The following MARCHF1 variants were observed in gnomAD, a reference collection of about 807,000 sequenced individuals.
MARCHF1 encodes E3 ubiquitin-protein ligase MARCHF1.
Under a neutral mutation model 54.2 loss-of-function variants are expected in MARCHF1, and 40 were observed. The ratio of observed to expected loss-of-function variants is 0.74; its 90% CI spans 0.57 to 0.96. The LOEUF (loss-of-function observed/expected upper bound fraction) is 0.96, where lower values mean the gene tolerates loss of function less well. Among genes scored for constraint, MARCHF1 ranks in the 40% least tolerant of loss-of-function variants. The pLI is 0.00. For missense variants in MARCHF1, 586 were observed against 656.5 expected (o/e 0.89, Z 1.17); for synonymous variants, 236 against 236.3 (o/e 1.00, Z 0.01).
At chr4:164,330,632 T>A (rs1735411417) in intron 1 of MARCHF1, among the ~76,000 whole-genome samples, 1 of 152,188 alleles carries the variant, frequency 6.6e-6, no homozygotes, top group African/African-American at 2.4e-5. Flanking sequence ...CTAAAGCTGC[T>A]GCAAGAACAT....
At chr4:163,686,210 TAATAA>T (rs1213610400) in intron 5 of MARCHF1, among the ~76,000 whole-genome samples, 1 of 42,324 alleles carries the variant, frequency 2.4e-5, no homozygotes, top group Non-Finnish European at 6.0e-5. Flanking sequence ...TTTGTTGTGT[TAATAA>T]AATAATTTTC....
At chr4:163,886,020 TA>T (rs11347045) in intron 3 of MARCHF1, among the ~76,000 whole-genome samples, 6,702 of 142,870 alleles carry the variant, frequency 0.047, 274 homozygotes, top group East Asian at 0.18. Flanking sequence ...CATACCTAGC[TA>T]AAAAAAAAAA....
At chr4:163,989,286 TGA>T (rs35987221) in intron 2 of MARCHF1, among the ~76,000 whole-genome samples, 86,400 of 144,606 alleles carry the variant, frequency 0.6, 25,552 homozygotes, top group Middle Eastern at 0.73. Context: ...AATGAGGTGT[TGA>T]GAGAGAGAGA....
At chr4:163,724,709 G>A (rs962703784) in intron 4 of MARCHF1, among the ~76,000 whole-genome samples, 1 of 152,162 alleles carries the variant, frequency 6.6e-6, no homozygotes, top group Non-Finnish European at 1.5e-5. Flanking sequence ...CAGCCATGGT[G>A]GGCGCCCCTC....
intron 3 of MARCHF1, among the ~76,000 whole-genome samples, chr4:163,924,278 A>G (rs1327544003): frequency 6.6e-6 from 1 of 152,070 alleles, no homozygotes; most frequent in Non-Finnish European, 1.5e-5. Flanking sequence ...AATACATTTG[A>G]GCTAAGTTGT....
chr4:164,073,760 G>A (rs1370363183), intron 2 of MARCHF1, among the ~76,000 whole-genome samples: 2 of 151,990 alleles, frequency 1.3e-5, no homozygotes, highest in Non-Finnish European at 1.5e-5. Context: ...GTAATATGAT[G>A]AATACCCTAT....
At chr4:163,820,470 A>T (rs1008903021) in intron 4 of MARCHF1, among the ~76,000 whole-genome samples, 22 of 152,124 alleles carry the variant, frequency 1.4e-4, no homozygotes, top group African/African-American at 5.1e-4. Flanking sequence ...AAAATCATTC[A>T]TGCTCACAGA....
chr4:163,672,522 T>C (rs1743773181), intron 5 of MARCHF1, among the ~76,000 whole-genome samples: 1 of 152,226 alleles, frequency 6.6e-6, no homozygotes, highest in Non-Finnish European at 1.5e-5. Flanking sequence ...TAAAATAGTA[T>C]AGCTGCCTTA....
At chr4:164,332,558 A>C (rs1189075756) in intron 1 of MARCHF1, among the ~76,000 whole-genome samples, 1 of 152,176 alleles carries the variant, frequency 6.6e-6, no homozygotes, top group Non-Finnish European at 1.5e-5. Flanking sequence ...TAGGGGCAAC[A>C]TTCGTGAGAC....
At chr4:164,230,063 G>A (rs1370145310) in intron 1 of MARCHF1, among the ~76,000 whole-genome samples, 1 of 152,044 alleles carries the variant, frequency 6.6e-6, no homozygotes, top group Non-Finnish European at 1.5e-5. Flanking sequence ...ACAGGTGTGT[G>A]CCACTGCTCC....
intron 7 of MARCHF1, among the ~76,000 whole-genome samples, chr4:163,589,418 C>T (rs755678194): frequency 6.6e-6 from 1 of 151,982 alleles, no homozygotes; most frequent in Non-Finnish European, 1.5e-5. Flanking sequence ...TTTTTCATTC[C>T]CATTTCACAT....
At chr4:163,733,227 GTATA>G (rs1241873225) in intron 4 of MARCHF1, among the ~76,000 whole-genome samples, 1 of 13,828 alleles carries the variant, frequency 7.2e-5, no homozygotes, top group Non-Finnish European at 1.9e-4. Flanking sequence ...ATATACACGT[GTATA>G]TATATATATA....
intron 5 of MARCHF1, among the ~76,000 whole-genome samples, chr4:163,677,690 C>T (rs1287821607): frequency 1.3e-5 from 2 of 152,150 alleles, no homozygotes; most frequent in African/African-American, 4.8e-5. Flanking sequence ...TATATCTCTA[C>T]TCATCTTTGT....
chr4:164,137,092 A>C (rs1000956455), intron 1 of MARCHF1, among the ~76,000 whole-genome samples: 1 of 152,216 alleles, frequency 6.6e-6, no homozygotes, highest in Admixed American at 6.5e-5. Context: ...CAGTATTTTG[A>C]AATTTGAACA....
intron 2 of MARCHF1, among the ~76,000 whole-genome samples, chr4:164,044,538 G>C (rs934627338): frequency 1.3e-5 from 2 of 151,900 alleles, no homozygotes; most frequent in African/African-American, 4.8e-5. Flanking sequence ...ATGAGATTTG[G>C]GTGTGTACAC....
intron 2 of MARCHF1, among the ~76,000 whole-genome samples, chr4:164,036,363 C>G (rs1754002377): frequency 6.6e-6 from 1 of 152,006 alleles, no homozygotes; most frequent in Non-Finnish European, 1.5e-5. Flanking sequence ...CTGAAGCAAG[C>G]TGCTAGGAGT....
At chr4:164,141,828 C>T (rs921106102) in intron 1 of MARCHF1, among the ~76,000 whole-genome samples, 3 of 152,098 alleles carry the variant, frequency 2.0e-5, no homozygotes, top group East Asian at 1.9e-4. Context: ...CCAAGATGGC[C>T]GAATAGGAAC....
chr4:164,234,918 T>C (rs1732505443), intron 1 of MARCHF1: 1 of 152,116 alleles, frequency 6.6e-6, no homozygotes, highest in South Asian at 2.1e-4. Flanking sequence ...TGTTGAGGCC[T>C]GATGAAAAGA....
At chr4:163,756,304 G>A (rs573984476) in intron 4 of MARCHF1, among the ~76,000 whole-genome samples, 118 of 152,180 alleles carry the variant, frequency 7.8e-4, no homozygotes, top group African/African-American at 2.6e-3. Flanking sequence ...AGTATAGAGA[G>A]ATCATGGGTA....
Sources: gnomAD v4.1 joint callset for allele counts (sites outside exome capture counted in the v4.1 genomes callset) on GRCh38, gnomAD v4.1.1 for gene constraint, MANE v1.5 for transcripts, NCBI Gene and HGNC (gene_info 2026-07-23, HGNC 2026-07-21) for gene names.